SGMS1: variants seen among roughly 807,000 people sequenced by gnomAD.
SGMS1 encodes sphingomyelin synthase 1.
A neutral mutation model predicts 46.2 loss-of-function variants in SGMS1; 13 were observed. The observed-to-expected ratio is 0.28, with a 90% CI of 0.18 to 0.45. The LOEUF (loss-of-function observed/expected upper bound fraction) is 0.45. SGMS1 is among the 20% of genes least tolerant of loss of function. The pLI is 1.00. For synonymous variants in SGMS1, 203 were observed against 187.8 expected (o/e 1.08, Z -0.66); for missense variants, 324 against 519.9 (o/e 0.62, Z 3.66).
intron 1 of SGMS1, among the ~76,000 whole-genome samples, chr10:50,593,064 C>T (rs892287192): frequency 2.0e-5 from 3 of 152,200 alleles, no homozygotes; most frequent in African/African-American, 7.2e-5. Flanking sequence ...CCTTCCATCT[C>T]TGTTTTCGGA....
chr10:50,608,047 C>T (rs1387220584), intron 1 of SGMS1, among the ~76,000 whole-genome samples: 1 of 152,176 alleles, frequency 6.6e-6, no homozygotes, highest in South Asian at 2.1e-4. Context: ...TACCACAATG[C>T]CAAATTCTAT....
At position 50,511,248 on chromosome 10, in the gene SGMS1, TAC is replaced by T. The variant is rs3054272; in HGVS notation, c.-498+8581_-498+8582del. Among the ~76,000 whole-genome samples the T allele has an allele frequency of 1.8e-3, 260 of 141,690 alleles. 1 individual carries two copies. The highest frequency in any genetic ancestry group is 5.2e-3 in the South Asian group (22 of 4,266). The allele number at this position is 141,690 out of a possible 152,430, so 93.0% of individuals were successfully genotyped here. A position where few individuals can be genotyped will look rare whatever the true frequency, so the allele number is the denominator to read the frequency against. On this transcript the variant is annotated intron_variant, in intron 3 of 10. Coordinates refer to ENST00000361781, the MANE Select transcript of SGMS1 (RefSeq NM_147156.4). ...TGAGAAATATTCATTCACTCATTCA[TAC>T]ACACACACACACACACACACACACA... is the stretch of plus-strand genomic sequence containing the variant.
At chr10:50,314,282 G>A (rs914954816) in intron 8 of SGMS1, among the ~76,000 whole-genome samples, 53 of 151,984 alleles carry the variant, frequency 3.5e-4, no homozygotes, top group Admixed American at 8.5e-4. Flanking sequence ...GGACGGCGAG[G>A]CTTGTTTAAA....
chr10:50,558,352 TC>T (rs1838205947), intron 2 of SGMS1, among the ~76,000 whole-genome samples: 1 of 152,216 alleles, frequency 6.6e-6, no homozygotes, highest in African/African-American at 2.4e-5. Flanking sequence ...GACCTTTCAC[TC>T]CCATGTACTG....
At chr10:50,556,936 A>C (rs1281726208) in intron 2 of SGMS1, among the ~76,000 whole-genome samples, 1 of 152,314 alleles carries the variant, frequency 6.6e-6, no homozygotes, top group East Asian at 1.9e-4. Flanking sequence ...GCCCCAATCC[A>C]ATCACTCAGT....
At chr10:50,495,997 A>G (rs1837612275) in intron 3 of SGMS1, among the ~76,000 whole-genome samples, 1 of 152,206 alleles carries the variant, frequency 6.6e-6, no homozygotes. Context: ...TTAAAAAATG[A>G]ACAATTTTTT....
intron 2 of SGMS1, among the ~76,000 whole-genome samples, chr10:50,552,290 C>T (rs1161096816): frequency 1.3e-5 from 2 of 152,348 alleles, no homozygotes; most frequent in Non-Finnish European, 2.9e-5. Context: ...TTAAAACACA[C>T]TCTATGCCTT....
chr10:50,542,562 TG>T (rs1281520334), intron 2 of SGMS1, among the ~76,000 whole-genome samples: 1 of 151,010 alleles, frequency 6.6e-6, no homozygotes, highest in Non-Finnish European at 1.5e-5. Flanking sequence ...CCAAATAAAA[TG>T]GTTAAAAAGC....
At chr10:50,352,397 GC>G (rs1848034344) in intron 6 of SGMS1, among the ~76,000 whole-genome samples, 1 of 152,186 alleles carries the variant, frequency 6.6e-6, no homozygotes, top group African/African-American at 2.4e-5. Flanking sequence ...CCCCAGAAAA[GC>G]CATGCTGAAT....
intron 6 of SGMS1, among the ~76,000 whole-genome samples, chr10:50,372,947 T>TA (rs5784830): frequency 0.68 from 103,706 of 151,608 alleles, 35,771 homozygotes; most frequent in Middle Eastern, 0.8. Flanking sequence ...TGCTATAATA[T>TA]AAAAAAAATA....
intron 1 of SGMS1, among the ~76,000 whole-genome samples, chr10:50,602,370 AT>A (rs1838657117): frequency 6.6e-6 from 1 of 152,218 alleles, no homozygotes; most frequent in Admixed American, 6.5e-5. Context: ...ATGTCATAGC[AT>A]TTAAAGTTCT....
At chr10:50,585,752 A>G (rs1408573040) in intron 2 of SGMS1, among the ~76,000 whole-genome samples, 1 of 152,248 alleles carries the variant, frequency 6.6e-6, no homozygotes, top group Non-Finnish European at 1.5e-5. Flanking sequence ...GAAGTGATAG[A>G]GGAGCTTCTT....
At chr10:50,556,023 C>T (rs1006778405) in intron 2 of SGMS1, among the ~76,000 whole-genome samples, 16 of 152,152 alleles carry the variant, frequency 1.1e-4, no homozygotes, top group African/African-American at 3.6e-4. Context: ...CTCCTCCATT[C>T]CCAAAGGAGA....
chr10:50,381,345 C>T (rs866151730), intron 6 of SGMS1, among the ~76,000 whole-genome samples: 1 of 151,784 alleles, frequency 6.6e-6, no homozygotes, highest in African/African-American at 2.4e-5. Context: ...AGCAAAAGCA[C>T]TGTAAACAAA....
At chr10:50,623,644 A>C (rs1318566575) in intron 1 of SGMS1, 63 bp downstream of exon 1, 18 of 985,144 alleles carry the variant, frequency 1.8e-5, no homozygotes, top group Middle Eastern at 5.2e-4. Context: ...GGCCCGCGAG[A>C]CAGGTGTCCG....
chr10:50,345,193 C>T (rs1847897010), intron 6 of SGMS1, among the ~76,000 whole-genome samples: 1 of 151,758 alleles, frequency 6.6e-6, no homozygotes, highest in Non-Finnish European at 1.5e-5. Context: ...AAAAGATCTA[C>T]AAATGCCGCT....
intron 2 of SGMS1, among the ~76,000 whole-genome samples, chr10:50,568,865 C>T (rs1471941109): frequency 1.3e-5 from 2 of 151,786 alleles, no homozygotes; most frequent in Non-Finnish European, 2.9e-5. Flanking sequence ...AGTGTGCAGC[C>T]CTGTTCACAA....
intron 9 of SGMS1, among the ~76,000 whole-genome samples, chr10:50,310,531 T>A (rs1327855566): frequency 9.9e-5 from 15 of 152,074 alleles, no homozygotes; most frequent in Admixed American, 6.5e-4. Flanking sequence ...TATATAAATT[T>A]AAAAAACCAC....
At chr10:50,409,369 ATTC>A (rs1849066140) in intron 6 of SGMS1, among the ~76,000 whole-genome samples, 1 of 152,130 alleles carries the variant, frequency 6.6e-6, no homozygotes, top group Non-Finnish European at 1.5e-5. Flanking sequence ...TGTTTTTCCT[ATTC>A]TTCAACCTCG....
Sources: allele counts gnomAD v4.1 joint callset (sites outside exome capture counted in the v4.1 genomes callset), GRCh38; gene constraint gnomAD v4.1.1; transcripts MANE v1.5; gene names NCBI Gene and HGNC (gene_info 2026-07-23, HGNC 2026-07-21).